ZNF835: variants seen among roughly 807,000 people sequenced by gnomAD.
ZNF835 encodes zinc finger protein 835.
For synonymous variants in ZNF835, 323 were observed against 324.7 expected, an observed-to-expected ratio of 0.99 and a Z score of 0.06; for missense variants, 783 against 758.4, an observed-to-expected ratio of 1.03 and a Z score of -0.38.
At chr19:56,666,781 A>G (rs1167046114) in intron 1 of ZNF835, among the ~76,000 whole-genome samples, 1 of 152,126 alleles carries the variant, frequency 6.6e-6, no homozygotes, top group Non-Finnish European at 1.5e-5. Flanking sequence ...ATAAGAGGAG[A>G]CACCAGGGGG....
At position 56,663,134 on chromosome 19, in the gene ZNF835, C is replaced by CT. The variant is rs754891341; in HGVS notation, c.*450dup. On this transcript the variant is annotated 3_prime_UTR_variant, in exon 2 of 2. Coordinates refer to ENST00000537055, the MANE Select transcript of ZNF835 (RefSeq NM_001005850.3). ...CGAGATTGCATCACTGCACTCCAGC[C>CT]TGGGCGACAGAGCAAGACTCCGTCT... 181 of 169,884 alleles carry CT rather than the reference C, an allele frequency of 1.1e-3. No individual in the cohort carries two copies. The highest frequency in any genetic ancestry group is 1.6e-3 in the Non-Finnish European group (134 of 84,222). The allele number at this position is 169,884 out of a possible 1,614,324, so 10.5% of individuals were successfully genotyped here. A position where few individuals can be genotyped will look rare whatever the true frequency, so the allele number is the denominator to read the frequency against.
In ZNF835 at chr19:56,663,662, G is replaced by T; in HGVS notation, c.1537C>A (p.Pro513Thr). ...LCPAPTPDST[P>T]GLSQGGETCQ... ...GTTTCTCCTCCCTGTGAGAGCCCAG[G>T]TGTTGAGTCAGGCGTGGGAGCTGGG... The change falls in exon 2 of 2, where the codon CCT becomes ACT. Residue 513 changes from proline (P) to threonine (T), a missense_variant. By Grantham distance (38) the Pro-to-Thr change is conservative. Transcript: ENST00000537055. The T allele has an allele frequency of 1.9e-6, 3 of 1,614,056 alleles. No homozygotes were observed. Among genetic ancestry groups the T allele is most frequent in the Non-Finnish European group, 2.5e-6 (3 of 1,179,900 alleles).
In ZNF835 at chr19:56,664,188, G is replaced by A. The variant is rs1313708055; in HGVS notation, c.1011C>T (p.Gly337=). The change falls in exon 2 of 2, where the codon GGC becomes GGT. Residue 337 remains glycine (G), a synonymous_variant. Transcript: ENST00000537055. ...IHTGEKPYAC[G]QCAKAFTQVS... is the part of the protein sequence containing the mutation. ...CCTGGGTGAAGGCCTTGGCGCACTG[G>A]CCGCACGCGTAGGGCTTCTCGCCTG... The A allele has an allele frequency of 6.2e-7, 1 of 1,610,488 alleles. No homozygotes were observed. The highest frequency in any genetic ancestry group is 1.7e-5 in the Admixed American group (1 of 59,668).
chr19:56,670,175 G>A (rs950174515), intron 1 of ZNF835, among the ~76,000 whole-genome samples: 3 of 151,928 alleles, frequency 2.0e-5, no homozygotes, highest in Non-Finnish European at 4.4e-5. Flanking sequence ...ATAAACACAG[G>A]TGTGGTTGCA....
At chr19:56,665,872 G>A (rs150891383) in intron 1 of ZNF835, among the ~76,000 whole-genome samples, 141 of 152,164 alleles carry the variant, frequency 9.3e-4, no homozygotes, top group Middle Eastern at 3.4e-3. Flanking sequence ...GCCCCCAGTT[G>A]GGAATCACTG....
rs759907260 is a variant in ZNF835 at position 56,663,695 on chromosome 19, G to A, written c.1504C>T (p.Arg502Cys). ...HQRTHADSSG[R>C]LCPAPTPDST... ...TCAGGCGTGGGAGCTGGGCAAAGGC[G>A]TCCCGAACTGTCTGCATGCGTCCTC... The change falls in exon 2 of 2, where the codon CGC (arginine) becomes TGC (cysteine). Residue 502 changes from arginine (R) to cysteine (C), a missense_variant. By Grantham distance (180) the Arg-to-Cys change is radical. Transcript: ENST00000537055. 1.2e-6 allele frequency: 2 copies of A among 1,614,012 alleles called. No homozygotes were observed. The highest frequency in any genetic ancestry group is 1.1e-5 in the South Asian group (1 of 91,088).
rs1023127862 is a variant in ZNF835 at position 56,664,137 on chromosome 19, G to C, written c.1062C>G (p.Arg354=). ...GGTAAGGCCGCTCTCCGGTGTGCGT[G>C]CGCTGGTGCTGCGTCAGGTGCGACA... ...TQVSHLTQHQ[R]THTGERPYPC... The change falls in exon 2 of 2, where the codon CGC becomes CGG. Residue 354 remains arginine (R), a synonymous_variant. Transcript: ENST00000537055. 2.5e-6 allele frequency: 4 copies of C among 1,611,168 alleles called. No individual in the cohort carries two copies. The highest frequency in any genetic ancestry group is 3.4e-6 in the Non-Finnish European group (4 of 1,179,360).
chr19:56,667,559 CCT>C (rs1253710817), intron 1 of ZNF835, among the ~76,000 whole-genome samples: 22 of 152,360 alleles, frequency 1.4e-4, no homozygotes, highest in Admixed American at 5.2e-4. Flanking sequence ...GGGCTCAGCC[CCT>C]CACACACAGG....
At chr19:56,671,156 C>T (rs904964370) in intron 1 of ZNF835, among the ~76,000 whole-genome samples, 1 of 151,232 alleles carries the variant, frequency 6.6e-6, no homozygotes, top group East Asian at 2.0e-4. Flanking sequence ...GCCAAGTGAG[C>T]AGGGGCAGAC....
chr19:56,666,044 T>G (rs1334889499), intron 1 of ZNF835, among the ~76,000 whole-genome samples: 1 of 152,118 alleles, frequency 6.6e-6, no homozygotes, highest in Non-Finnish European at 1.5e-5. Flanking sequence ...GGTGATGCTT[T>G]GTGGAGATGG....
chr19:56,669,541 G>A, intron 1 of ZNF835, among the ~76,000 whole-genome samples: 1 of 105,220 alleles, frequency 9.5e-6, no homozygotes. Flanking sequence ...GTACTTGGGG[G>A]TCTACCAGGA....
chr19:56,664,060 T>C lies in ZNF835; in HGVS notation c.1139A>G (p.His380Arg). Residue 380 changes from histidine (H) to arginine (R), a missense_variant, in exon 2 of 2, where the codon CAC becomes CGC. By Grantham distance (29) the His-to-Arg change is conservative. Coordinates refer to ENST00000537055, the MANE Select transcript of ZNF835 (RefSeq NM_001005850.3). ...CCGCTCACCGGTGTGCACGAGGCGGTGCTGGAGGAGGTGGGAGCGGTTGCT... is the reference window on the plus strand; with the variant it reads ...CCGCTCACCGGTGTGCACGAGGCGGCGCTGGAGGAGGTGGGAGCGGTTGCT... ...RFSNRSHLLQ[H>R]RLVHTGERPY... The C allele has an allele frequency of 6.2e-7, 1 of 1,611,380 alleles. No individual in the cohort carries two copies. The highest frequency in any genetic ancestry group is 8.5e-7 in the Non-Finnish European group (1 of 1,179,210).
chr19:56,670,623 G>A (rs1433531420), intron 1 of ZNF835, among the ~76,000 whole-genome samples: 1 of 152,188 alleles, frequency 6.6e-6, no homozygotes, highest in Non-Finnish European at 1.5e-5. Context: ...CACACAGGCC[G>A]GCCATTACTG....
At position 56,663,763 on chromosome 19, in the gene ZNF835, C is replaced by A. The variant is rs1320822886; in HGVS notation, c.1436G>T (p.Cys479Phe). The change falls in exon 2 of 2, where the codon TGC becomes TTC. Residue 479 changes from cysteine to phenylalanine, a missense_variant. Physicochemically the swap from Cys to Phe is radical, Grantham distance 205. Coordinates refer to ENST00000537055, the MANE Select transcript of ZNF835 (RefSeq NM_001005850.3). ...TGEKPYECSG[C>F]GKAFSFSSAL... ...GGAGGAGAAGCTGAAGGCCTTCCCG[C>A]AGCCGCTGCACTCGTAGGGCTTCTC... 6.2e-7 allele frequency: 1 copy of A among 1,613,980 alleles called. No individual in the cohort carries two copies. Among genetic ancestry groups the A allele is most frequent in the South Asian group, 1.1e-5 (1 of 91,068 alleles).
intron 1 of ZNF835, among the ~76,000 whole-genome samples, chr19:56,668,587 G>C (rs61279446): frequency 0.24 from 36,498 of 151,962 alleles, 4,700 homozygotes; most frequent in East Asian, 0.48. Context: ...TCTTCCCGCA[G>C]CGTGTGCCTC....
At position 56,664,945 on chromosome 19, in the gene ZNF835, G is replaced by A; in HGVS notation, c.254C>T (p.Ala85Val). 6.2e-7 allele frequency: 1 copy of A among 1,614,016 alleles called. No individual in the cohort carries two copies. The highest frequency in any genetic ancestry group is 8.5e-7 in the Non-Finnish European group (1 of 1,179,872). The change falls in exon 2 of 2, where the codon GCG (alanine) becomes GTG (valine). Residue 85 changes from alanine (A) to valine (V), a missense_variant. By Grantham distance (64) the Ala-to-Val change is moderately conservative. Transcript: ENST00000537055. ...CCTCTCCTTCGGGCTCTCCCCAGGC[G>A]CGCTGCACCTCCGGGAACTGCTGTC... ...PDDSSSRRCSAPGESPKERHP... is the reference protein window; with the variant it reads ...PDDSSSRRCSVPGESPKERHP...
In ZNF835 at chr19:56,665,144, T is replaced by A. The variant is rs1289941871; in HGVS notation, c.55A>T (p.Lys19Ter). ...LQGAELEGNW[K>*]HEGQVEDLQE... Reference sequence around the variant, plus strand: ...AGGTCCTCAACCTGGCCCTCGTGTTTCCAGTTTCCTTCCAACTCTGCGCCC... The same window carrying A: ...AGGTCCTCAACCTGGCCCTCGTGTTACCAGTTTCCTTCCAACTCTGCGCCC... The change falls in exon 2 of 2, where the codon AAA becomes TAA. Residue 19 changes from lysine to a stop codon, truncating the protein, a stop_gained. Coordinates refer to ENST00000537055, the MANE Select transcript of ZNF835 (RefSeq NM_001005850.3). LOFTEE classifies it low-confidence loss of function (END_TRUNC). The A allele has an allele frequency of 1.1e-5, 17 of 1,614,040 alleles. No homozygotes were observed. Among genetic ancestry groups the A allele is most frequent in the Non-Finnish European group, 1.4e-5 (16 of 1,179,900 alleles).
At chr19:56,666,294 A>G (rs2045245539) in intron 1 of ZNF835, among the ~76,000 whole-genome samples, 1 of 152,134 alleles carries the variant, frequency 6.6e-6, no homozygotes, top group African/African-American at 2.4e-5. Flanking sequence ...TTTAGTAGAG[A>G]GGGGGTTTCA....
Position 56,664,033 on chromosome 19 carries a change from G to C in ZNF835, c.1166C>G (p.Pro389Arg). The C allele has an allele frequency of 6.2e-7, 1 of 1,612,078 alleles. No individual in the cohort carries two copies. Among genetic ancestry groups the C allele is most frequent in the South Asian group, 1.1e-5 (1 of 91,068 alleles). Residue 389 changes from proline (P) to arginine (R), a missense_variant, in exon 2 of 2, where the codon CCC becomes CGC. Coordinates refer to ENST00000537055, the MANE Select transcript of ZNF835 (RefSeq NM_001005850.3). Reference sequence around the variant, plus strand: ...GGCCCCGCATTGCAGGCACCTGTAGGGCCGCTCACCGGTGTGCACGAGGCG... The same window carrying C: ...GGCCCCGCATTGCAGGCACCTGTAGCGCCGCTCACCGGTGTGCACGAGGCG... ...QHRLVHTGER[P>R]YRCLQCGAAF...
Sources: gnomAD v4.1 joint callset for allele counts (sites outside exome capture counted in the v4.1 genomes callset) on GRCh38, gnomAD v4.1.1 for gene constraint, MANE v1.5 for transcripts, NCBI Gene and HGNC (gene_info 2026-07-23, HGNC 2026-07-21) for gene names.